SCIMP: variants seen among roughly 807,000 people sequenced by gnomAD.
SCIMP encodes SLP adaptor and CSK interacting membrane protein.
In SCIMP, 18 loss-of-function variants were observed where a neutral mutation model predicts 22.0. That is an observed-to-expected ratio of 0.82 (90% CI 0.56 to 1.21). The LOEUF (loss-of-function observed/expected upper bound fraction) is 1.21, where lower values mean the gene tolerates loss of function less well. Ranked by LOEUF, SCIMP falls within the 50% of genes most tolerant of loss-of-function variation. SCIMP has a pLI of 0.00. For missense variants in SCIMP, 155 were observed against 171.2 expected (o/e 0.91, Z 0.53); for synonymous variants, 53 against 62.2 (o/e 0.85, Z 0.70).
chr17:5,216,040 A>G (rs1361926952), intron 3 of SCIMP, among the ~76,000 whole-genome samples: 1 of 151,960 alleles, frequency 6.6e-6, no homozygotes, highest in Admixed American at 6.6e-5. Flanking sequence ...GTCTCTACAA[A>G]AAAATCAACA....
chr17:5,213,182 G>T (rs959798963), intron 4 of SCIMP: 1 of 984,702 alleles, frequency 1.0e-6, no homozygotes, highest in African/African-American at 1.8e-5. Flanking sequence ...GCTGGGATTT[G>T]AACATGAATT....
chr17:5,214,786 G>A, intron 4 of SCIMP, 139 bp downstream of exon 4: 1 of 588,274 alleles, frequency 1.7e-6, no homozygotes, highest in Non-Finnish European at 3.0e-6. Flanking sequence ...CTTGCAGTGA[G>A]CCGAGATCGT....
chr17:5,210,682 A>G lies in SCIMP; in HGVS notation c.*119T>C. The G allele has an allele frequency of 7.3e-7, 1 of 1,365,788 alleles. No individual in the cohort carries two copies. The highest frequency in any genetic ancestry group is 9.9e-7 in the Non-Finnish European group (1 of 1,007,668). The allele number at this position is 1,365,788 out of a possible 1,614,324, so 84.6% of individuals were successfully genotyped here. ...GAAGTGCTTTATCTTATAGAGCTTCATAAAATCACCACTGGCTTTCAGGGC... is the reference window on the plus strand; with the variant it reads ...GAAGTGCTTTATCTTATAGAGCTTCGTAAAATCACCACTGGCTTTCAGGGC... On this transcript the variant is annotated 3_prime_UTR_variant, in exon 5 of 5. Coordinates refer to ENST00000574081, the MANE Select transcript of SCIMP (RefSeq NM_207103.3).
chr17:5,226,579 C>T lies in SCIMP; in HGVS notation c.22-3123G>A, dbSNP rs2074650880. On this transcript the variant is annotated intron_variant, in intron 1 of 4. Transcript: ENST00000574081. ...GGAGTGCGATGGCGTGATCTCGGCT[C>T]ACTGCACCCTCCACCTCTCCAGTTC... 2.0e-5 allele frequency among the ~76,000 whole-genome samples: 3 copies of T among 150,192 alleles called. No individual in the cohort carries two copies. In the Admixed American group the frequency reaches 2.0e-4, roughly 10 times the overall value.
intron 1 of SCIMP, chr17:5,223,749 C>T (rs1156334159): frequency 2.8e-6 from 1 of 354,412 alleles, no homozygotes; most frequent in African/African-American, 2.1e-5. Flanking sequence ...GGGGTTTCGC[C>T]ACGTTGGCCA....
At chr17:5,230,632 A>G (rs1161247190) in intron 1 of SCIMP, among the ~76,000 whole-genome samples, 1 of 152,158 alleles carries the variant, frequency 6.6e-6, no homozygotes, top group Non-Finnish European at 1.5e-5. Flanking sequence ...CTTAAAACCT[A>G]TATAGCTACT....
intron 1 of SCIMP, among the ~76,000 whole-genome samples, chr17:5,224,525 C>T (rs549993318): frequency 8.6e-5 from 13 of 151,864 alleles, no homozygotes; most frequent in East Asian, 3.9e-4. Flanking sequence ...TGCAGTGGCG[C>T]GATCTTGGCT....
At chr17:5,225,680 T>C (rs1246921271) in intron 1 of SCIMP, among the ~76,000 whole-genome samples, 1 of 151,656 alleles carries the variant, frequency 6.6e-6, no homozygotes, top group African/African-American at 2.4e-5. Context: ...GAGAATTGCT[T>C]GAACCTGGGA....
chr17:5,226,377 ATGT>A (rs1337145162), intron 1 of SCIMP, among the ~76,000 whole-genome samples: 1 of 152,150 alleles, frequency 6.6e-6, no homozygotes, highest in African/African-American at 2.4e-5. Context: ...AAGTGGAATG[ATGT>A]TGTCAGAAAG....
At chr17:5,215,131 T>C (rs903744385) in intron 3 of SCIMP, 133 bp from the exon 4 acceptor site, 1 of 620,760 alleles carries the variant, frequency 1.6e-6, no homozygotes, top group Non-Finnish European at 2.9e-6. Context: ...TTGGAAGCAT[T>C]TCCTTTCCTT....
chr17:5,213,139 G>A (rs777302654), intron 4 of SCIMP: 8 of 983,888 alleles, frequency 8.1e-6, no homozygotes, highest in Non-Finnish European at 9.6e-6. Flanking sequence ...AAGGCCTAGT[G>A]ACACCCCATG....
At chr17:5,211,670 GT>G (rs1182886760) in intron 4 of SCIMP, among the ~76,000 whole-genome samples, 1 of 152,164 alleles carries the variant, frequency 6.6e-6, no homozygotes, top group African/African-American at 2.4e-5. Context: ...GACTTACACT[GT>G]TTTCCAGGAC....
intron 1 of SCIMP, among the ~76,000 whole-genome samples, chr17:5,224,720 G>A (rs1449375459): frequency 7.2e-5 from 11 of 152,186 alleles, no homozygotes; most frequent in Non-Finnish European, 1.6e-4. Flanking sequence ...CTCCCAAAGT[G>A]CTAGGATTAT....
rs192363671 is a variant in SCIMP at position 5,210,164 on chromosome 17, G to T, written c.*637C>A. On this transcript the variant is annotated 3_prime_UTR_variant, in exon 5 of 5. Transcript: ENST00000574081. ...CTAGGTGAAAACTCAAATCTCTATG[G>T]TCAATTTGGCCTACATCATATAAAG... 1 of 152,204 alleles carries T rather than the reference G, an allele frequency of 6.6e-6. No individual in the cohort carries two copies. The highest frequency in any genetic ancestry group is 6.5e-5 in the Admixed American group (1 of 15,272). 9.4% of individuals were successfully genotyped at this position (152,204 alleles called of 1,614,324 possible). A position where few individuals can be genotyped will look rare whatever the true frequency, so the allele number is the denominator to read the frequency against.
rs1436716913 is a variant in SCIMP, at chr17:5,209,131, A to G, written c.*1670T>C. Reference sequence around the variant, plus strand: ...GGCCTAACATAAGGAGGGTTTATTTATTTATTTATTTATTTATTTTTAGAT... The same window carrying G: ...GGCCTAACATAAGGAGGGTTTATTTGTTTATTTATTTATTTATTTTTAGAT... On this transcript the variant is annotated 3_prime_UTR_variant, in exon 5 of 5. Transcript: ENST00000574081. 2 of 147,814 alleles carry G rather than the reference A, an allele frequency of 1.4e-5. No homozygotes were observed. Among genetic ancestry groups the G allele is most frequent in the East Asian group, 3.9e-4 (2 of 5,178 alleles). The allele number at this position is 147,814 out of a possible 1,614,324, so 9.2% of individuals were successfully genotyped here.
chr17:5,233,455 C>T (rs2074718439), intron 1 of SCIMP, among the ~76,000 whole-genome samples: 2 of 152,160 alleles, frequency 1.3e-5, no homozygotes, highest in Admixed American at 1.3e-4. Context: ...TCACTGCAAC[C>T]TCCACCTCCC....
chr17:5,215,127 G>A, intron 3 of SCIMP, 129 bp from the exon 4 acceptor site: 3 of 643,866 alleles, frequency 4.7e-6, no homozygotes, highest in South Asian at 1.9e-5. Flanking sequence ...CTAATTGGAA[G>A]CATTTCCTTT....
chr17:5,222,727 C>G (rs563171502), intron 2 of SCIMP, among the ~76,000 whole-genome samples: 61 of 152,082 alleles, frequency 4.0e-4, no homozygotes, highest in African/African-American at 1.4e-3. Context: ...TGCAGTGGCA[C>G]GATCTCGGCT....
At chr17:5,220,929 G>A in intron 3 of SCIMP, 1 of 360,740 alleles carries the variant, frequency 2.8e-6, no homozygotes, top group South Asian at 2.2e-5. Context: ...ATGATGGTGG[G>A]TGCCTGTAAT....
Sources: allele counts gnomAD v4.1 joint callset (sites outside exome capture counted in the v4.1 genomes callset), GRCh38; gene constraint gnomAD v4.1.1; transcripts MANE v1.5; gene names NCBI Gene and HGNC (gene_info 2026-07-23, HGNC 2026-07-21).